Variants in DNAH17 observed in about 807,000 individuals in gnomAD.
DNAH17 encodes the protein axonemal beta dynein heavy chain 17.
Under a neutral mutation model 485.6 loss-of-function variants are expected in DNAH17, and 376 were observed. The observed-to-expected ratio is 0.77, with a 90% CI of 0.71 to 0.84. DNAH17 has a LOEUF of 0.84. Among genes scored for constraint, DNAH17 ranks in the 40% least tolerant of loss-of-function variants. DNAH17 has a pLI of 0.00. For synonymous variants in DNAH17, 3,031 were observed against 2,405.9 expected (o/e 1.26, Z -7.60); for missense variants, 6,370 against 5,839.3 (o/e 1.09, Z -2.96).
At position 78,507,752 on chromosome 17, in the gene DNAH17, C is replaced by A; in HGVS notation, c.4290G>T (p.Pro1430=). ...TWSMMEFQHE[P]HPRTGTMMLK... ...GCATCATGGTGCCTGTCCGCGGGTG[C>A]GGCTCGTGCTGGAATTCCATCATGC... The change falls in exon 28 of 81, where the codon CCG becomes CCT. Residue 1430 remains proline, a synonymous_variant. Transcript: ENST00000389840. 6.3e-7 allele frequency: 1 copy of A among 1,591,624 alleles called. No homozygotes were observed. The highest frequency in any genetic ancestry group is 8.5e-7 in the Non-Finnish European group (1 of 1,174,920).
intron 44 of DNAH17, among the ~76,000 whole-genome samples, chr17:78,487,051 G>A (rs77270264): frequency 0.029 from 4,271 of 149,176 alleles, 208 homozygotes; most frequent in African/African-American, 0.1. Context: ...TTCAGTGTAA[G>A]AGTACAAATC....
At chr17:78,493,479 G>A (rs989740096) in intron 41 of DNAH17, among the ~76,000 whole-genome samples, 8 of 152,256 alleles carry the variant, frequency 5.3e-5, no homozygotes, top group Admixed American at 2.0e-4. Context: ...TCCTGTATGT[G>A]TATGTCCGAG....
At position 78,450,346 on chromosome 17, in the gene DNAH17, T is replaced by G; in HGVS notation, c.10948A>C (p.Asn3650His). The G allele has an allele frequency of 6.2e-7, 1 of 1,613,918 alleles. No individual in the cohort carries two copies. Among genetic ancestry groups the G allele is most frequent in the African/African-American group, 1.3e-5 (1 of 75,062 alleles). Residue 3650 changes from asparagine to histidine, a missense_variant, in exon 68 of 81, where the codon AAC becomes CAC. Coordinates refer to ENST00000389840, the MANE Select transcript of DNAH17 (RefSeq NM_173628.4). Reference sequence around the variant, plus strand: ...GCCCTCTCCGCAGCCGGGCGGTAGTTCTCTCTCGCTTCGTTGATTTTAACT... The same window carrying G: ...GCCCTCTCCGCAGCCGGGCGGTAGTGCTCTCTCGCTTCGTTGATTTTAACT... ...TEVKINEARE[N>H]YRPAAERASL...
chr17:78,488,846 G>A (rs2089725536), intron 44 of DNAH17, among the ~76,000 whole-genome samples: 1 of 152,124 alleles, frequency 6.6e-6, no homozygotes. Flanking sequence ...GGCGGAGATG[G>A]GAGGGGTGTG....
chr17:78,436,630 G>C (rs1251552960), intron 74 of DNAH17, among the ~76,000 whole-genome samples: 5 of 152,090 alleles, frequency 3.3e-5, no homozygotes, highest in African/African-American at 9.7e-5. Context: ...GATCACCTGA[G>C]GTCAGGAGTT....
rs2271613 is a variant in DNAH17 at position 78,427,016 on chromosome 17, G to A, written c.12681C>T (p.Tyr4227=). The change falls in exon 78 of 81, where the codon TAC becomes TAT. Residue 4227 remains tyrosine, a synonymous_variant. Transcript: ENST00000389840. ...IMAKAAEKTP[Y]VVVAFQECER... ...CACATTCTTGAAAGGCGACTACCAC[G>A]TAGGGGGTCTTTTCCGCTGCCTTTG... 0.72 allele frequency: 1,158,088 copies of A among 1,607,814 alleles called. 423,199 individuals are homozygous for A. Among genetic ancestry groups the A allele is most frequent in the East Asian group, 0.95 (42,421 of 44,736 alleles).
intron 11 of DNAH17, among the ~76,000 whole-genome samples, chr17:78,562,936 T>C (rs866601934): frequency 4.7e-4 from 71 of 151,798 alleles, no homozygotes; most frequent in South Asian, 1.0e-3. Context: ...TCCAAGAGAG[T>C]TTCCCGGGGC....
chr17:78,491,659 G>A, intron 42 of DNAH17, 89 bp from the exon 43 acceptor site: 5 of 1,507,316 alleles, frequency 3.3e-6, no homozygotes, highest in Non-Finnish European at 4.4e-6. Flanking sequence ...CTCTCTCTGG[G>A]AGGGAGCCTG....
At chr17:78,569,094 G>C in intron 9 of DNAH17, 72 bp downstream of exon 9, 14 of 1,206,448 alleles carry the variant, frequency 1.2e-5, no homozygotes, top group Non-Finnish European at 1.6e-5. Context: ...GGTAGGGATG[G>C]ACGCTGCAGG....
chr17:78,560,040 G>A (rs567692257), intron 13 of DNAH17, among the ~76,000 whole-genome samples: 97 of 152,046 alleles, frequency 6.4e-4, no homozygotes, highest in African/African-American at 2.3e-3. Flanking sequence ...TTCCTTCCGC[G>A]GAACCTGTTG....
intron 16 of DNAH17, among the ~76,000 whole-genome samples, chr17:78,548,528 A>G (rs1022187721): frequency 3.3e-5 from 5 of 152,044 alleles, no homozygotes; most frequent in South Asian, 4.2e-4. Context: ...TTAAGAAAAA[A>G]TGTCTTAGGT....
chr17:78,494,767 G>T lies in DNAH17; in HGVS notation c.6096C>A (p.Gly2032=), dbSNP rs1254427718. 1.9e-6 allele frequency: 3 copies of T among 1,613,506 alleles called. No individual in the cohort carries two copies. The highest frequency in any genetic ancestry group is 1.7e-4 in the Middle Eastern group (1 of 6,060). The change falls in exon 40 of 81, where the codon GGC becomes GGA. Residue 2032 remains glycine (G), a synonymous_variant. Transcript: ENST00000389840. ...RAIKSVLVVA[G]SLKRGDPSRA... ...GGCTGGGGTCGCCCCTCTTCAGGGA[G>T]CCGGCCACCACCAGCACAGACTTGA... is the stretch of plus-strand genomic sequence containing the variant.
intron 9 of DNAH17, among the ~76,000 whole-genome samples, chr17:78,568,006 C>T (rs8066293): frequency 2.0e-5 from 3 of 151,870 alleles, no homozygotes; most frequent in African/African-American, 7.3e-5. Context: ...CCCAGGTCCA[C>T]GAAGCATCAG....
At chr17:78,429,006 T>C (rs1598434822) in intron 76 of DNAH17, 115 bp downstream of exon 76, 3 of 1,147,108 alleles carry the variant, frequency 2.6e-6, no homozygotes, top group East Asian at 4.7e-5. Flanking sequence ...TCCTCTCTTA[T>C]TTTGGCTGCC....
intron 55 of DNAH17, among the ~76,000 whole-genome samples, chr17:78,467,855 T>C (rs1487175819): frequency 6.6e-6 from 1 of 152,048 alleles, no homozygotes. Flanking sequence ...CTGTCTCTAC[T>C]AAAAATAAAA....
At position 78,445,645 on chromosome 17, in the gene DNAH17, C is replaced by T; in HGVS notation, c.11247G>A (p.Glu3749=). 1 of 1,575,772 alleles carries T rather than the reference C, an allele frequency of 6.3e-7. No homozygotes were observed. The highest frequency in any genetic ancestry group is 8.6e-7 in the Non-Finnish European group (1 of 1,160,776). ...AAGGGAACCGCAGGAGGAAATCCAG[C>T]TCCACTGGGTTCAGCTCCTTCTTCA... ...LSMKKELNPV[E]LDFLLRFPFK... Residue 3749 remains glutamate, a synonymous_variant, in exon 70 of 81, where the codon GAG becomes GAA. Transcript: ENST00000389840.
chr17:78,467,108 T>C (rs2088507030), intron 55 of DNAH17, among the ~76,000 whole-genome samples: 1 of 152,174 alleles, frequency 6.6e-6, no homozygotes, highest in Non-Finnish European at 1.5e-5. Flanking sequence ...GGCATCCACA[T>C]TGGGCAGATG....
rs752908366 is a variant in DNAH17, at chr17:78,506,761, C to G, written c.4762G>C (p.Asp1588His). The G allele has an allele frequency of 6.2e-7, 1 of 1,613,992 alleles. No homozygotes were observed. The highest frequency in any genetic ancestry group is 8.5e-7 in the Non-Finnish European group (1 of 1,179,878). Residue 1588 changes from aspartate (D) to histidine (H), a missense_variant, in exon 30 of 81, where the codon GAC becomes CAC. Asp to His is a moderately conservative substitution (Grantham distance 81). Transcript: ENST00000389840. ...CCATTGGAGAGAATGTCCAGGAGGT[C>G]AGCCGAGGAGACAAAATAGAACCGG... is the stretch of plus-strand genomic sequence containing the variant. Reference protein sequence around the residue: ...FPRFYFVSSADLLDILSNGND... With the variant: ...FPRFYFVSSAHLLDILSNGND...
chr17:78,467,715 AG>A (rs1039942500), intron 55 of DNAH17, among the ~76,000 whole-genome samples: 1 of 152,052 alleles, frequency 6.6e-6, no homozygotes, highest in Non-Finnish European at 1.5e-5. Flanking sequence ...CTACTAGGGG[AG>A]TTTAGCCTGC....
Sources: allele counts gnomAD v4.1 joint callset (sites outside exome capture counted in the v4.1 genomes callset), GRCh38; gene constraint gnomAD v4.1.1; transcripts MANE v1.5; gene names NCBI Gene and HGNC (gene_info 2026-07-23, HGNC 2026-07-21).